Variants in DNAH12 observed in about 807,000 individuals in gnomAD.
DNAH12 encodes dynein axonemal heavy chain 12, also known as axonemal beta dynein heavy chain 12.
A neutral mutation model predicts 371.5 loss-of-function variants in DNAH12; 285 were observed. That is an observed-to-expected ratio of 0.77 (90% CI 0.70 to 0.85). The LOEUF is 0.85. Ranked by LOEUF, DNAH12 falls within the 40% of genes least tolerant of loss-of-function variation. The probability of loss-of-function intolerance (pLI) is 0.00; values close to 1 mark genes in which losing one functional copy is unlikely to be tolerated. For synonymous variants in DNAH12, 1,200 were observed against 1,213.0 expected (o/e 0.99, Z 0.22); for missense variants, 3,611 against 3,689.4 (o/e 0.98, Z 0.55).
chr3:57,507,973 G>T, intron 7 of DNAH12, 135 bp from the exon 8 acceptor site: 1 of 743,782 alleles, frequency 1.3e-6, no homozygotes, highest in Non-Finnish European at 2.0e-6. Context: ...CAGATCACGA[G>T]GTCAGGAGTT....
chr3:57,392,501 G>A (rs2153347489), intron 44 of DNAH12, among the ~76,000 whole-genome samples: 1 of 152,224 alleles, frequency 6.6e-6, no homozygotes, highest in Non-Finnish European at 1.5e-5. Context: ...GCTGAGGTAA[G>A]AGCCCAGGAG....
At chr3:57,372,639 T>G (rs1238393371) in intron 55 of DNAH12, among the ~76,000 whole-genome samples, 1 of 151,960 alleles carries the variant, frequency 6.6e-6, no homozygotes, top group Non-Finnish European at 1.5e-5. Context: ...TTTGAAGATA[T>G]TCAGTAAAGA....
chr3:57,487,422 G>GAAAGA (rs1553707706), intron 12 of DNAH12, among the ~76,000 whole-genome samples: 2 of 141,796 alleles, frequency 1.4e-5, no homozygotes, highest in African/African-American at 2.5e-5. Context: ...GAAAAAGAAA[G>GAAAGA]AAAAAAAAGA....
In DNAH12 at chr3:57,421,379, G is replaced by A. The variant is rs921360052; in HGVS notation, c.5562+139C>T. 1.4e-4 allele frequency: 87 copies of A among 617,426 alleles called. No homozygotes were observed. In the African/African-American group the frequency reaches 1.6e-3, roughly 11 times the overall value. The allele number at this position is 617,426 out of a possible 1,614,324, so 38.2% of individuals were successfully genotyped here. A position where few individuals can be genotyped will look rare whatever the true frequency, so the allele number is the denominator to read the frequency against. On this transcript the variant is annotated intron_variant, in intron 36 of 73. Transcript: ENST00000495027. ...TTATTTATACAGCCAATAAGTTATG[G>A]GAGGTGAAACTAAAAGAAGGGAGCT...
chr3:57,361,447 T>C lies in DNAH12; in HGVS notation c.9360+2147A>G, dbSNP rs1329858764. On this transcript the variant is annotated intron_variant, in intron 58 of 73. Coordinates refer to ENST00000495027, the MANE Select transcript of DNAH12 (RefSeq NM_001366028.2). ...TATATATATATACACACACACACTA[T>C]ATATATATATATATATATATATATC... is the stretch of plus-strand genomic sequence containing the variant. 1.0e-4 allele frequency among the ~76,000 whole-genome samples: 13 copies of C among 126,432 alleles called. 1 individual carries two copies. The highest frequency in any genetic ancestry group is 3.3e-4 in the African/African-American group (10 of 30,176). 82.9% of individuals were successfully genotyped at this position (126,432 alleles called of 152,430 possible).
Position 57,358,478 on chromosome 3 carries a change from A to G in DNAH12, c.9361-1130T>C, listed in dbSNP as rs1034173808. Among the ~76,000 whole-genome samples, 548 of 152,304 alleles carry G rather than the reference A, an allele frequency of 3.6e-3. 5 individuals carry two copies. Among genetic ancestry groups the G allele is most frequent in the African/African-American group, 0.013 (523 of 41,560 alleles). The stretch of plus-strand genomic sequence containing the variant: ...GGTCTGGATGTATGTCCTATAATTG[A>G]GAAAATAAATTATTCCCTTGTATCT... On this transcript the variant is annotated intron_variant, in intron 58 of 73. Transcript: ENST00000495027.
chr3:57,385,585 G>A (rs1425683388), intron 47 of DNAH12, among the ~76,000 whole-genome samples, 156 bp from the exon 48 acceptor site: 1 of 150,752 alleles, frequency 6.6e-6, no homozygotes, highest in Admixed American at 6.6e-5. Flanking sequence ...ACAAAACTAT[G>A]AAAGTGTGGG....
intron 40 of DNAH12, among the ~76,000 whole-genome samples, chr3:57,406,675 T>C (rs1467729835): frequency 5.9e-5 from 9 of 152,168 alleles, no homozygotes; most frequent in Non-Finnish European, 8.8e-5. Flanking sequence ...GAAGATGAAA[T>C]AATTTTCTTG....
At chr3:57,328,574 G>A (rs1295320270) in intron 62 of DNAH12, among the ~76,000 whole-genome samples, 1 of 151,864 alleles carries the variant, frequency 6.6e-6, no homozygotes, top group Non-Finnish European at 1.5e-5. Context: ...AATAATAACA[G>A]CTATCCATGA....
At chr3:57,486,704 C>T (rs1181798791) in intron 12 of DNAH12, among the ~76,000 whole-genome samples, 1 of 151,922 alleles carries the variant, frequency 6.6e-6, no homozygotes, top group Non-Finnish European at 1.5e-5. Flanking sequence ...AATATGTACA[C>T]TGTTAGGTAG....
chr3:57,410,026 C>T (rs1005160095), intron 39 of DNAH12, among the ~76,000 whole-genome samples: 2 of 152,094 alleles, frequency 1.3e-5, no homozygotes, highest in Non-Finnish European at 1.5e-5. Context: ...TTAGGTTGGG[C>T]ACTACCCACA....
chr3:57,326,886 CA>C (rs1235990261), intron 62 of DNAH12, among the ~76,000 whole-genome samples: 1 of 151,630 alleles, frequency 6.6e-6, no homozygotes, highest in African/African-American at 2.4e-5. Context: ...AAATGGAAAA[CA>C]AAAAAAGGCA....
At chr3:57,329,040 C>A (rs2062023076) in intron 62 of DNAH12, among the ~76,000 whole-genome samples, 1 of 147,868 alleles carries the variant, frequency 6.8e-6, no homozygotes, top group Non-Finnish European at 1.5e-5. Flanking sequence ...AACTACAAAC[C>A]ACTGCTCAAT....
chr3:57,459,453 T>A (rs2065991963), intron 20 of DNAH12, 139 bp downstream of exon 20: 2 of 790,754 alleles, frequency 2.5e-6, no homozygotes, highest in Non-Finnish European at 3.6e-6. Flanking sequence ...CTTTTATGCT[T>A]TCTTATATTT....
intron 13 of DNAH12, among the ~76,000 whole-genome samples, chr3:57,476,009 A>T (rs951563016): frequency 6.6e-6 from 1 of 152,244 alleles, no homozygotes. Context: ...CCAAATATCC[A>T]GAACAGTAAA....
At chr3:57,495,273 CA>C (rs2153387242) in intron 11 of DNAH12, among the ~76,000 whole-genome samples, 1 of 152,006 alleles carries the variant, frequency 6.6e-6, no homozygotes, top group Non-Finnish European at 1.5e-5. Context: ...GAAATATAAT[CA>C]GGGGCCAGGC....
intron 13 of DNAH12, among the ~76,000 whole-genome samples, chr3:57,480,020 C>G (rs2066680071): frequency 1.3e-5 from 2 of 152,064 alleles, no homozygotes; most frequent in African/African-American, 4.8e-5. Flanking sequence ...ACTAGAGAAG[C>G]AAGAGCAAAC....
At position 57,405,920 on chromosome 3, in the gene DNAH12, G is replaced by A. The variant is rs2064011660; in HGVS notation, c.6309C>T (p.Pro2103=). The part of the protein sequence containing the change: ...IYKQSVENLL[P]TPTKSHYTFN... ...AAGTATAATGGGATTTTGTGGGAGT[G>A]GGTAAAAGATTTTCCACAGATTGTT... Residue 2103 remains proline, a synonymous_variant, in exon 41 of 74, where the codon CCC becomes CCT. Transcript: ENST00000495027. The A allele has an allele frequency of 4.5e-6, 7 of 1,545,672 alleles. No homozygotes were observed. The highest frequency in any genetic ancestry group is 4.4e-6 in the Non-Finnish European group (5 of 1,141,916).
rs767490144 is a variant in DNAH12 at position 57,296,451 on chromosome 3, C to T, written c.11533-16G>A. On this transcript the variant is annotated splice_polypyrimidine_tract_variant and intron_variant, in intron 71 of 73. Coordinates refer to ENST00000495027, the MANE Select transcript of DNAH12 (RefSeq NM_001366028.2). Reference sequence around the variant, plus strand: ...ATGGGATAACCTGAAGGGATAGGCACACACTAGCAGTGATCCTCTCCAGAC... The same window carrying T: ...ATGGGATAACCTGAAGGGATAGGCATACACTAGCAGTGATCCTCTCCAGAC... 4.6e-5 allele frequency: 70 copies of T among 1,533,838 alleles called. 1 individual carries two copies. The South Asian group carries it at 7.3e-4, about 16-fold the overall frequency.
Sources: allele counts gnomAD v4.1 joint callset (sites outside exome capture counted in the v4.1 genomes callset), GRCh38; gene constraint gnomAD v4.1.1; transcripts MANE v1.5; gene names NCBI Gene and HGNC (gene_info 2026-07-23, HGNC 2026-07-21).